The following CYP4Z1 variants were observed in gnomAD, a reference collection of about 807,000 sequenced individuals.
CYP4Z1 encodes the protein cytochrome P450 family 4 subfamily Z member 1.
A neutral mutation model predicts 54.2 loss-of-function variants in CYP4Z1; 41 were observed. The observed-to-expected ratio is 0.76, with a 90% CI of 0.59 to 0.98. CYP4Z1 has a LOEUF of 0.98. Ranked by LOEUF, CYP4Z1 falls within the 50% of genes least tolerant of loss-of-function variation. The pLI is 0.00. For synonymous variants in CYP4Z1, 163 were observed against 206.2 expected, an observed-to-expected ratio of 0.79 and a Z score of 1.79; for missense variants, 513 against 599.0, an observed-to-expected ratio of 0.86 and a Z score of 1.50.
intron 11 of CYP4Z1, 98 bp downstream of exon 11, chr1:47,116,830 T>A (rs1644833783): frequency 1.2e-6 from 1 of 829,564 alleles, no homozygotes. Context: ...GACACTGCTG[T>A]TGCTCCCCAT....
the CYP4Z1 span, among the ~76,000 whole-genome samples, chr1:47,059,589 C>T: frequency 6.6e-6 from 1 of 152,096 alleles, no homozygotes; most frequent in East Asian, 1.9e-4. Context: ...AATTTGGCTA[C>T]GTAAATATCA....
At chr1:47,058,149 A>G in the CYP4Z1 span, among the ~76,000 whole-genome samples, 1 of 152,112 alleles carries the variant, frequency 6.6e-6, no homozygotes, top group African/African-American at 2.4e-5. Flanking sequence ...TCAGGGCATC[A>G]TATTTTCTCT....
At chr1:47,098,392 G>A (rs1307115451) in intron 7 of CYP4Z1, among the ~76,000 whole-genome samples, 1 of 152,134 alleles carries the variant, frequency 6.6e-6, no homozygotes, top group African/African-American at 2.4e-5. Context: ...GTGAATGGTA[G>A]TTCATTCATG....
chr1:47,077,868 C>G (rs1384550258), intron 2 of CYP4Z1, among the ~76,000 whole-genome samples: 3 of 152,154 alleles, frequency 2.0e-5, no homozygotes, highest in African/African-American at 7.2e-5. Flanking sequence ...GTGCTTCCCC[C>G]TCAGTCTCCC....
chr1:47,087,684 A>C (rs148372793), intron 6 of CYP4Z1, among the ~76,000 whole-genome samples: 1 of 152,142 alleles, frequency 6.6e-6, no homozygotes, highest in Admixed American at 6.5e-5. Flanking sequence ...AATGCCCTTT[A>C]TTTCTTTCTC....
At chr1:47,058,570 T>C in the CYP4Z1 span, among the ~76,000 whole-genome samples, 1 of 152,178 alleles carries the variant, frequency 6.6e-6, no homozygotes, top group Non-Finnish European at 1.5e-5. Context: ...CTACGGGCAA[T>C]CCTTGACCCT....
chr1:47,110,243 T>C (rs1644784113), intron 9 of CYP4Z1, among the ~76,000 whole-genome samples: 3 of 150,426 alleles, frequency 2.0e-5, no homozygotes, highest in Non-Finnish European at 2.9e-5. Flanking sequence ...GGGTGTTCCA[T>C]GAAATCCCCT....
intron 2 of CYP4Z1, among the ~76,000 whole-genome samples, chr1:47,078,920 T>A (rs1283949012): frequency 3.3e-5 from 5 of 151,634 alleles, no homozygotes; most frequent in African/African-American, 1.2e-4. Flanking sequence ...AAAGCATTGA[T>A]TCCAAAACAA....
rs1644562011 is a variant in CYP4Z1 at position 47,082,462 on chromosome 1, G to A, written c.492+1G>A. The A allele has an allele frequency of 6.2e-7, 1 of 1,609,336 alleles. No homozygotes were observed. The highest frequency in any genetic ancestry group is 8.5e-7 in the Non-Finnish European group (1 of 1,177,936). ...GTCTGAGAGTGTTCGGATGATGCTG[G>A]TAAGAGGAGAAGAGAGCATTCGTAC... On this transcript the variant is annotated splice_donor_variant, in intron 4 of 11. Coordinates refer to ENST00000334194, the MANE Select transcript of CYP4Z1 (RefSeq NM_178134.3). LOFTEE classifies it high-confidence loss of function.
At chr1:47,083,361 G>A (rs1311410587) in intron 4 of CYP4Z1, among the ~76,000 whole-genome samples, 2 of 152,112 alleles carry the variant, frequency 1.3e-5, no homozygotes, top group Non-Finnish European at 2.9e-5. Context: ...TAAATATAGT[G>A]ACTGCAAATA....
chr1:47,083,979 G>A (rs1368617092), intron 4 of CYP4Z1, among the ~76,000 whole-genome samples: 4 of 152,040 alleles, frequency 2.6e-5, no homozygotes, highest in African/African-American at 9.7e-5. Flanking sequence ...GTTAATAACA[G>A]CTTAACAGTG....
At chr1:47,072,634 G>A (rs1393831794) in intron 2 of CYP4Z1, among the ~76,000 whole-genome samples, 53 of 88,076 alleles carry the variant, frequency 6.0e-4, no homozygotes, top group Non-Finnish European at 4.7e-5. Context: ...AAGCTACTTA[G>A]CTGGTTCACT....
intron 4 of CYP4Z1, among the ~76,000 whole-genome samples, chr1:47,083,885 G>C (rs1011147211): frequency 6.6e-6 from 1 of 152,022 alleles, no homozygotes; most frequent in African/African-American, 2.4e-5. Context: ...CATGACAGTT[G>C]CAATCTTTCA....
intron 2 of CYP4Z1, among the ~76,000 whole-genome samples, chr1:47,077,771 C>A (rs557668126): frequency 2.2e-4 from 33 of 151,902 alleles, no homozygotes; most frequent in African/African-American, 6.8e-4. Flanking sequence ...CAGGCCTGCA[C>A]CACTATGCCT....
At chr1:47,076,508 C>A (rs181558774) in intron 2 of CYP4Z1, among the ~76,000 whole-genome samples, 1 of 151,872 alleles carries the variant, frequency 6.6e-6, no homozygotes, top group East Asian at 2.0e-4. Context: ...AAAATATTTT[C>A]TAATGTCTTT....
intron 6 of CYP4Z1, among the ~76,000 whole-genome samples, chr1:47,086,941 T>G (rs926194060): frequency 6.6e-6 from 1 of 152,240 alleles, no homozygotes; most frequent in African/African-American, 2.4e-5. Context: ...CACCATTTAT[T>G]AAATAGGGAA....
At chr1:47,107,273 C>T (rs7526674) in intron 9 of CYP4Z1, among the ~76,000 whole-genome samples, 65,257 of 151,778 alleles carry the variant, frequency 0.43, 15,377 homozygotes, top group East Asian at 0.96. Context: ...GGTAAAACTT[C>T]ATCTCTGGTA....
At chr1:47,057,480 T>TTTTTTTTTTTTAGCTTTTTTCA in the CYP4Z1 span, among the ~76,000 whole-genome samples, 1 of 48,466 alleles carries the variant, frequency 2.1e-5, no homozygotes, top group African/African-American at 1.0e-4. Flanking sequence ...ACTTGGTTAA[T>TTTTTTTTTTTTAGCTTTTTTCA]TTTTTTTTTT....
chr1:47,105,922 G>A (rs1399618490), intron 8 of CYP4Z1, among the ~76,000 whole-genome samples: 1 of 152,062 alleles, frequency 6.6e-6, no homozygotes, highest in Non-Finnish European at 1.5e-5. Context: ...TATCTGCGGG[G>A]GGGGGAGAAT....
Sources: gnomAD v4.1 joint callset for allele counts (sites outside exome capture counted in the v4.1 genomes callset) on GRCh38, gnomAD v4.1.1 for gene constraint, MANE v1.5 for transcripts, NCBI Gene and HGNC (gene_info 2026-07-23, HGNC 2026-07-21) for gene names.